GPC3: variants seen among roughly 807,000 people sequenced by gnomAD.
The protein encoded by GPC3 is glypican 3, also known as glypican-3.
GPC3 carries 3 observed loss-of-function variants against 34.4 expected under a neutral mutation model. That is an observed-to-expected ratio of 0.09 (90% CI 0.04 to 0.23). The LOEUF is 0.23. GPC3 is among the 10% of genes least tolerant of loss of function. The pLI, the probability that GPC3 is intolerant of heterozygous loss-of-function variation, is 1.00. For synonymous variants in GPC3, 177 were observed against 174.0 expected (o/e 1.02, Z -0.13); for missense variants, 351 against 445.6 (o/e 0.79, Z 1.91).
rs1024565859 is a variant in GPC3, at chrX:133,907,260, G to T, written c.337+45790C>A. On this transcript the variant is annotated intron_variant, in intron 2 of 7. Transcript: ENST00000370818. ...GAATTAAAATCAATTTTGCCCTGAA[G>T]ATGTTTGGGTTTGTTTTTTCCTCAC... Among the ~76,000 whole-genome samples, 3 of 111,366 alleles carry T rather than the reference G, an allele frequency of 2.7e-5. No homozygotes were observed. In the Admixed American group the frequency reaches 2.9e-4, roughly 11 times the overall value.
intron 3 of GPC3, among the ~76,000 whole-genome samples, chrX:133,733,587 T>A (rs889327698): frequency 1.8e-5 from 2 of 110,886 alleles, no homozygotes; most frequent in Non-Finnish European, 3.8e-5. Flanking sequence ...AGAGAAACAC[T>A]GACAAAATCA....
intron 3 of GPC3, chrX:133,704,216 G>A: frequency 9.2e-7 from 1 of 1,092,780 alleles, no homozygotes; most frequent in Non-Finnish European, 1.2e-6. Context: ...TGTAAGTCTA[G>A]CCCTATACAC....
intron 3 of GPC3, among the ~76,000 whole-genome samples, chrX:133,739,409 G>A (rs1259766421): frequency 8.9e-6 from 1 of 112,235 alleles, no homozygotes; most frequent in African/African-American, 3.2e-5. Flanking sequence ...TTATAGTGCT[G>A]CCACGTGGTA....
intron 2 of GPC3, among the ~76,000 whole-genome samples, chrX:133,812,405 T>C (rs1337805753): frequency 8.9e-6 from 1 of 112,207 alleles, no homozygotes; most frequent in East Asian, 2.8e-4. Context: ...TGTATACAGA[T>C]ATACAGATGT....
chrX:133,629,191 A>G (rs1183638249), intron 6 of GPC3, among the ~76,000 whole-genome samples: 2 of 111,719 alleles, frequency 1.8e-5, no homozygotes, highest in African/African-American at 6.5e-5. Flanking sequence ...TTGGGCCTCC[A>G]TGGATCATCT....
chrX:133,790,133 G>GA (rs773593405), intron 2 of GPC3, among the ~76,000 whole-genome samples: 14 of 104,711 alleles, frequency 1.3e-4, no homozygotes, highest in Non-Finnish European at 1.8e-4. Flanking sequence ...AGCCAAACAA[G>GA]AAAAAAAAAA....
rs1451086837 is a variant in GPC3 at position 133,641,593 on chromosome X, A to T, written c.1413+20137T>A. Among the ~76,000 whole-genome samples, 18 of 111,563 alleles carry T rather than the reference A, an allele frequency of 1.6e-4. No individual in the cohort carries two copies. In the Admixed American group the frequency reaches 1.7e-3, roughly 11 times the overall value. On this transcript the variant is annotated intron_variant, in intron 6 of 7. Coordinates refer to ENST00000370818, the MANE Select transcript of GPC3 (RefSeq NM_004484.4). ...AGAGAGAAAAGGAGAAAAACTAGAT[A>T]CTGGGACACAGGAAAAGATGGACAA...
At chrX:133,889,771 G>A (rs1289317324) in intron 2 of GPC3, among the ~76,000 whole-genome samples, 1 of 82,091 alleles carries the variant, frequency 1.2e-5, no homozygotes, top group African/African-American at 4.8e-5. Flanking sequence ...CCCACCCCCC[G>A]ACCATAATCT....
At chrX:133,722,985 A>T (rs1041252550) in intron 3 of GPC3, among the ~76,000 whole-genome samples, 1 of 111,691 alleles carries the variant, frequency 9.0e-6, no homozygotes, top group Admixed American at 9.5e-5. Flanking sequence ...TCCTGTCTAC[A>T]GATGTTATTT....
At chrX:133,605,176 G>C (rs1035498070) in intron 6 of GPC3, among the ~76,000 whole-genome samples, 1 of 109,169 alleles carries the variant, frequency 9.2e-6, no homozygotes, top group Non-Finnish European at 1.9e-5. Flanking sequence ...CACACGTGGG[G>C]GGGGGGCAAT....
intron 2 of GPC3, among the ~76,000 whole-genome samples, chrX:133,827,633 A>C (rs1222504039): frequency 1.8e-5 from 2 of 110,944 alleles, no homozygotes; most frequent in African/African-American, 6.6e-5. Flanking sequence ...AAATACAAAA[A>C]TTAGCTGGGC....
chrX:133,812,263 C>G (rs2075669680), intron 2 of GPC3, among the ~76,000 whole-genome samples: 1 of 111,983 alleles, frequency 8.9e-6, no homozygotes, highest in Admixed American at 9.5e-5. Flanking sequence ...ACAGACAGAT[C>G]TAGTCTCAAA....
intron 2 of GPC3, among the ~76,000 whole-genome samples, chrX:133,862,272 G>A (rs773920309): frequency 3.5e-4 from 39 of 110,750 alleles, no homozygotes; most frequent in Admixed American, 2.9e-3. Flanking sequence ...TAAATATGTG[G>A]TTAATGTTCA....
At chrX:133,589,668 C>T (rs1428067309) in intron 7 of GPC3, among the ~76,000 whole-genome samples, 1 of 111,676 alleles carries the variant, frequency 9.0e-6, no homozygotes, top group Non-Finnish European at 1.9e-5. Flanking sequence ...CTCCCTTCAT[C>T]TTCTGCCATG....
chrX:133,729,254 A>G (rs2071440908), intron 3 of GPC3, among the ~76,000 whole-genome samples: 1 of 111,161 alleles, frequency 9.0e-6, no homozygotes, highest in African/African-American at 3.3e-5. Context: ...TGGGCCATCA[A>G]ATGAGTTCCG....
chrX:133,674,251 C>T (rs1254208621), intron 5 of GPC3, among the ~76,000 whole-genome samples: 3 of 110,746 alleles, frequency 2.7e-5, no homozygotes, highest in Non-Finnish European at 5.7e-5. Context: ...AAAGAGCTTC[C>T]TGAGAGAGAA....
chrX:133,837,428 T>A (rs1452752229), intron 2 of GPC3, among the ~76,000 whole-genome samples: 1 of 112,012 alleles, frequency 8.9e-6, no homozygotes, highest in African/African-American at 3.2e-5. Flanking sequence ...TGGGAGGAAT[T>A]AGAAAGAAAG....
At chrX:133,668,658 G>A (rs770195985) in intron 5 of GPC3, among the ~76,000 whole-genome samples, 9 of 110,745 alleles carry the variant, frequency 8.1e-5, no homozygotes, top group Non-Finnish European at 1.7e-4. Context: ...TGAAGAAAAA[G>A]AAAACATGAA....
chrX:133,550,631 G>C (rs1284478651), intron 7 of GPC3, among the ~76,000 whole-genome samples: 2 of 111,754 alleles, frequency 1.8e-5, no homozygotes, highest in African/African-American at 3.3e-5. Context: ...GGAAACAATG[G>C]CTGCATGAAT....
Sources: gnomAD v4.1 joint callset for allele counts (sites outside exome capture counted in the v4.1 genomes callset) on GRCh38, gnomAD v4.1.1 for gene constraint, MANE v1.5 for transcripts, NCBI Gene and HGNC (gene_info 2026-07-23, HGNC 2026-07-21) for gene names.